SPATA18: variants seen among roughly 807,000 people sequenced by gnomAD.
SPATA18 encodes the protein mitochondria-eating protein.
A neutral mutation model predicts 68.1 loss-of-function variants in SPATA18; 54 were observed. The ratio of observed to expected loss-of-function variants is 0.79; its 90% CI spans 0.64 to 0.99. The LOEUF (loss-of-function observed/expected upper bound fraction) is 0.99, where lower values mean the gene tolerates loss of function less well. Among genes scored for constraint, SPATA18 ranks in the 50% least tolerant of loss-of-function variants. The pLI is 0.00. For synonymous variants in SPATA18, 242 were observed against 244.8 expected, an observed-to-expected ratio of 0.99 and a Z score of 0.11; for missense variants, 724 against 681.1, an observed-to-expected ratio of 1.06 and a Z score of -0.70.
At chr4:52,082,702 T>A in intron 10 of SPATA18, 192 bp downstream of exon 10, 9 of 1,434,228 alleles carry the variant, frequency 6.3e-6, no homozygotes, top group Non-Finnish European at 8.2e-6. Flanking sequence ...CTGCATAATT[T>A]CCTGGCAGTA....
chr4:52,064,204 T>TATATATA (rs1560586994), intron 4 of SPATA18, among the ~76,000 whole-genome samples: 1 of 150,790 alleles, frequency 6.6e-6, no homozygotes, highest in Non-Finnish European at 1.5e-5. Context: ...TATATATATA[T>TATATATA]TCTCTCCACC....
intron 1 of SPATA18, among the ~76,000 whole-genome samples, chr4:52,058,291 A>T (rs549889238): frequency 1.3e-5 from 2 of 152,332 alleles, no homozygotes; most frequent in South Asian, 4.1e-4. Flanking sequence ...AAAAGAACTC[A>T]TGATCTTTTT....
Position 52,082,616 on chromosome 4 carries a change from A to G in SPATA18, c.1479+106A>G, listed in dbSNP as rs779444901. 15 of 1,601,096 alleles carry G rather than the reference A, an allele frequency of 9.4e-6. No individual in the cohort carries two copies. The African/African-American group carries it at 2.0e-4, about 21-fold the overall frequency. Reference sequence around the variant, plus strand: ...TATAAAAGAAGTTTATAAAGAGTTGATAAGATTTCATACAAAGGAGAGGTC... The same window carrying G: ...TATAAAAGAAGTTTATAAAGAGTTGGTAAGATTTCATACAAAGGAGAGGTC... On this transcript the variant is annotated intron_variant, in intron 10 of 12. Transcript: ENST00000295213.
intron 11 of SPATA18, among the ~76,000 whole-genome samples, chr4:52,092,421 C>A (rs1292189019): frequency 6.6e-6 from 1 of 152,200 alleles, no homozygotes; most frequent in African/African-American, 2.4e-5. Flanking sequence ...TGCCAGAGTT[C>A]CTCAGGCTCA....
chr4:52,072,404 C>CT (rs978597189), intron 6 of SPATA18, among the ~76,000 whole-genome samples: 38 of 149,066 alleles, frequency 2.5e-4, no homozygotes, highest in African/African-American at 5.6e-4. Flanking sequence ...AAGGAAAGTT[C>CT]TTTTTTTTTT....
At chr4:52,083,861 C>T (rs1373400563) in intron 10 of SPATA18, among the ~76,000 whole-genome samples, 3 of 151,580 alleles carry the variant, frequency 2.0e-5, no homozygotes, top group Non-Finnish European at 4.4e-5. Flanking sequence ...CTGCCTCAGC[C>T]TCCTAAGTAG....
chr4:52,074,682 TG>T (rs1374023424), intron 6 of SPATA18, among the ~76,000 whole-genome samples: 3 of 152,170 alleles, frequency 2.0e-5, no homozygotes, highest in Non-Finnish European at 4.4e-5. Flanking sequence ...GAGCCTCAAA[TG>T]GGTTAATGTT....
Position 52,051,782 on chromosome 4 carries a change from G to A in SPATA18, c.78G>A (p.Lys26=). 1 of 1,614,194 alleles carries A rather than the reference G, an allele frequency of 6.2e-7. No homozygotes were observed. Among genetic ancestry groups the A allele is most frequent in the Non-Finnish European group, 8.5e-7 (1 of 1,180,020 alleles). The change falls in exon 1 of 13, where the codon AAG becomes AAA. Residue 26 remains lysine (K), a synonymous_variant. Transcript: ENST00000295213. ...AGGAAAAGCTAGACTTCTGGCTGAAGGAGTACAACGTGAGTCTGGGTGAAA... is the reference window on the plus strand; with the variant it reads ...AGGAAAAGCTAGACTTCTGGCTGAAAGAGTACAACGTGAGTCTGGGTGAAA... ...TLQEKLDFWL[K]EYNTNTCDQN...
chr4:52,080,990 T>C lies in SPATA18; in HGVS notation c.1355+1071T>C, dbSNP rs117828662. On this transcript the variant is annotated intron_variant, in intron 9 of 12. Transcript: ENST00000295213. Reference sequence around the variant, plus strand: ...TTTCCAATTGCCTTATAGCATGTAATATTTTCTTGCCATTGTCTTGCTTCT... The same window carrying C: ...TTTCCAATTGCCTTATAGCATGTAACATTTTCTTGCCATTGTCTTGCTTCT... Among the ~76,000 whole-genome samples, 117 of 152,354 alleles carry C rather than the reference T, an allele frequency of 7.7e-4. 1 individual carries two copies. The East Asian group carries it at 0.021, about 27-fold the overall frequency.
At position 52,051,630 on chromosome 4, in the gene SPATA18, C is replaced by A. The variant is rs993025001; in HGVS notation, c.-75C>A. 1 of 1,375,642 alleles carries A rather than the reference C, an allele frequency of 7.3e-7. No individual in the cohort carries two copies. Among genetic ancestry groups the A allele is most frequent in the Non-Finnish European group, 1.0e-6 (1 of 963,450 alleles). The allele number at this position is 1,375,642 out of a possible 1,614,324, so 85.2% of individuals were successfully genotyped here. On this transcript the variant is annotated 5_prime_UTR_variant, in exon 1 of 13. Coordinates refer to ENST00000295213, the MANE Select transcript of SPATA18 (RefSeq NM_145263.4). The stretch of plus-strand genomic sequence containing the variant: ...ACACCCTTCCCGCCATATCACCCCA[C>A]GGTCCTGCGGAGGCCACCGCCTGGT...
At chr4:52,089,532 C>G (rs985398634) in intron 11 of SPATA18, among the ~76,000 whole-genome samples, 1 of 152,146 alleles carries the variant, frequency 6.6e-6, no homozygotes, top group Non-Finnish European at 1.5e-5. Context: ...GCCTTCATTT[C>G]GTTATTTACC....
chr4:52,083,148 A>G, intron 10 of SPATA18: 1 of 985,132 alleles, frequency 1.0e-6, no homozygotes, highest in Non-Finnish European at 1.2e-6. Flanking sequence ...TACGTGTTGT[A>G]CTGGGGATTG....
At chr4:52,059,449 T>A (rs147248598) in intron 1 of SPATA18, among the ~76,000 whole-genome samples, 1 of 152,348 alleles carries the variant, frequency 6.6e-6, no homozygotes, top group African/African-American at 2.4e-5. Flanking sequence ...GTAGAATCTT[T>A]CAAAGGAATG....
intron 10 of SPATA18, among the ~76,000 whole-genome samples, chr4:52,084,511 A>T (rs1414882140): frequency 6.6e-6 from 1 of 152,228 alleles, no homozygotes; most frequent in African/African-American, 2.4e-5. Context: ...TTATTTATTC[A>T]ATAGTTATTT....
At chr4:52,061,095 G>A (rs1738812269) in intron 3 of SPATA18, among the ~76,000 whole-genome samples, 198 bp downstream of exon 3, 1 of 152,168 alleles carries the variant, frequency 6.6e-6, no homozygotes, top group African/African-American at 2.4e-5. Context: ...CACATACCTT[G>A]CTTAAGGCAT....
At chr4:52,080,131 C>G (rs1740796938) in intron 9 of SPATA18, among the ~76,000 whole-genome samples, 2 of 152,134 alleles carry the variant, frequency 1.3e-5, no homozygotes, top group Non-Finnish European at 2.9e-5. Context: ...TGGGAGAGAA[C>G]TAATGAGGAC....
intron 11 of SPATA18, among the ~76,000 whole-genome samples, chr4:52,088,067 CTGTT>C (rs1193041364): frequency 6.6e-6 from 1 of 152,104 alleles, no homozygotes; most frequent in Admixed American, 6.5e-5. Context: ...ATTTGGCTCT[CTGTT>C]TGTCTGTTAT....
chr4:52,058,345 A>G (rs569746358), intron 1 of SPATA18, among the ~76,000 whole-genome samples: 93 of 152,228 alleles, frequency 6.1e-4, no homozygotes, highest in Non-Finnish European at 1.0e-3. Flanking sequence ...AAATGGCTGC[A>G]GGAGAAATCA....
At chr4:52,062,479 T>C in intron 4 of SPATA18, 147 bp downstream of exon 4, 2 of 607,472 alleles carry the variant, frequency 3.3e-6, no homozygotes, top group Middle Eastern at 3.6e-4. Flanking sequence ...TGGGCATGTG[T>C]GTATGACAGA....
Sources: allele counts gnomAD v4.1 joint callset (sites outside exome capture counted in the v4.1 genomes callset), GRCh38; gene constraint gnomAD v4.1.1; transcripts MANE v1.5; gene names NCBI Gene and HGNC (gene_info 2026-07-23, HGNC 2026-07-21).